PRDM6: variants seen among roughly 807,000 people sequenced by gnomAD.
PRDM6 encodes the protein PR/SET domain 6, also known as putative histone-lysine N-methyltransferase PRDM6.
PRDM6 carries 25 observed loss-of-function variants against 60.8 expected under a neutral mutation model. The ratio of observed to expected loss-of-function variants is 0.41; its 90% CI spans 0.30 to 0.57. The LOEUF is 0.57. PRDM6 is among the 20% of genes least tolerant of loss of function. The pLI is 0.27. For synonymous variants in PRDM6, 407 were observed against 357.4 expected, an observed-to-expected ratio of 1.14 and a Z score of -1.57; for missense variants, 839 against 821.3, an observed-to-expected ratio of 1.02 and a Z score of -0.26.
At chr5:123,126,786 G>A (rs996172670) in intron 3 of PRDM6, among the ~76,000 whole-genome samples, 1 of 152,098 alleles carries the variant, frequency 6.6e-6, no homozygotes, top group Non-Finnish European at 1.5e-5. Context: ...TTCTACCTTC[G>A]TTTCCAAGAA....
In PRDM6 at chr5:123,190,251, C is replaced by G. The variant is rs1766381738; in HGVS notation, c.*3050C>G. ...CGTATGTTCCTTTATTTAGCAGAGT[C>G]TAAGACGAAAGGTAATGCCAGGGAA... On this transcript the variant is annotated 3_prime_UTR_variant, in exon 8 of 8. Transcript: ENST00000407847. 1 of 152,048 alleles carries G rather than the reference C, an allele frequency of 6.6e-6. No homozygotes were observed. The highest frequency in any genetic ancestry group is 1.5e-5 in the Non-Finnish European group (1 of 68,016). The allele number at this position is 152,048 out of a possible 1,614,324, so 9.4% of individuals were successfully genotyped here. A position where few individuals can be genotyped will look rare whatever the true frequency, so the allele number is the denominator to read the frequency against.
chr5:123,104,216 A>G (rs949490276), intron 3 of PRDM6, among the ~76,000 whole-genome samples: 1 of 152,134 alleles, frequency 6.6e-6, no homozygotes, highest in Non-Finnish European at 1.5e-5. Context: ...TATTAAAAAT[A>G]TATTACACAT....
chr5:123,128,906 G>GTT, intron 3 of PRDM6, among the ~76,000 whole-genome samples: 1 of 152,180 alleles, frequency 6.6e-6, no homozygotes. Context: ...GGTCTAACAT[G>GTT]TAAGTCTTTA....
intron 3 of PRDM6, among the ~76,000 whole-genome samples, chr5:123,102,304 G>A (rs1197956725): frequency 2.0e-5 from 3 of 152,066 alleles, no homozygotes; most frequent in South Asian, 4.1e-4. Flanking sequence ...TGATTTTTAA[G>A]ATATAGAATA....
chr5:123,118,389 A>G (rs972260191), intron 3 of PRDM6, among the ~76,000 whole-genome samples: 2 of 152,202 alleles, frequency 1.3e-5, no homozygotes, highest in African/African-American at 2.4e-5. Context: ...AAAACTAGGT[A>G]GAGAGTTGCG....
chr5:123,168,847 A>C (rs1765820829), intron 5 of PRDM6, among the ~76,000 whole-genome samples: 2 of 152,244 alleles, frequency 1.3e-5, no homozygotes, highest in South Asian at 4.1e-4. Flanking sequence ...TTCTCAGTTG[A>C]AGAGTGCTTA....
chr5:123,146,034 GTC>G (rs1765230923), intron 3 of PRDM6, among the ~76,000 whole-genome samples: 1 of 151,844 alleles, frequency 6.6e-6, no homozygotes, highest in African/African-American at 2.4e-5. Flanking sequence ...GAAGTAGTCT[GTC>G]TATTTTTTAG....
intron 3 of PRDM6, among the ~76,000 whole-genome samples, chr5:123,122,135 C>G (rs928359309): frequency 4.1e-5 from 5 of 121,620 alleles, no homozygotes; most frequent in Admixed American, 1.2e-4. Context: ...TGCACTCCAG[C>G]CTGGGCGACA....
chr5:123,091,110 G>T (rs992258934), intron 2 of PRDM6, among the ~76,000 whole-genome samples: 4 of 152,192 alleles, frequency 2.6e-5, no homozygotes, highest in African/African-American at 9.7e-5. Context: ...TTCGGGCCGC[G>T]GGGTTGTGGG....
chr5:123,175,891 C>T (rs1425313444), intron 6 of PRDM6, among the ~76,000 whole-genome samples: 1 of 152,184 alleles, frequency 6.6e-6, no homozygotes, highest in African/African-American at 2.4e-5. Flanking sequence ...TTATCTTTGG[C>T]AAAGGAGGTG....
intron 5 of PRDM6, among the ~76,000 whole-genome samples, chr5:123,162,332 G>A (rs1765653870): frequency 6.6e-6 from 1 of 152,156 alleles, no homozygotes; most frequent in Non-Finnish European, 1.5e-5. Context: ...GTGTCTAAGA[G>A]CATACCACTG....
chr5:123,120,532 TA>T (rs5871021), intron 3 of PRDM6, among the ~76,000 whole-genome samples: 133,350 of 152,164 alleles, frequency 0.88, 58,891 homozygotes, highest in East Asian at 0.99. Context: ...TGATGTTCAT[TA>T]CCAAAAATTC....
chr5:123,139,765 T>C (rs548996477), intron 3 of PRDM6, among the ~76,000 whole-genome samples: 2 of 152,154 alleles, frequency 1.3e-5, no homozygotes, highest in South Asian at 4.2e-4. Flanking sequence ...GGACCTTGGG[T>C]TTATTACAGG....
intron 1 of PRDM6, among the ~76,000 whole-genome samples, 172 bp downstream of exon 1, chr5:123,089,691 G>C (rs1400680110): frequency 6.6e-6 from 1 of 152,156 alleles, no homozygotes; most frequent in African/African-American, 2.4e-5. Flanking sequence ...GCTGGCTGAG[G>C]GCGGGGGCTG....
intron 3 of PRDM6, among the ~76,000 whole-genome samples, chr5:123,155,385 G>A (rs1765469083): frequency 6.8e-6 from 1 of 146,904 alleles, no homozygotes; most frequent in South Asian, 2.2e-4. Context: ...AGTCTGTTTT[G>A]CCAGTTCTTT....
chr5:123,139,843 A>T (rs427336), intron 3 of PRDM6, among the ~76,000 whole-genome samples: 46,399 of 151,876 alleles, frequency 0.31, 7,519 homozygotes, highest in Middle Eastern at 0.37. Flanking sequence ...AGCATGAGGG[A>T]TGGGGTGGGT....
chr5:123,127,838 A>G (rs1183845071), intron 3 of PRDM6, among the ~76,000 whole-genome samples: 1 of 151,362 alleles, frequency 6.6e-6, no homozygotes, highest in South Asian at 2.1e-4. Flanking sequence ...ATACATAGGT[A>G]TACATGTGCC....
intron 6 of PRDM6, among the ~76,000 whole-genome samples, chr5:123,177,262 GA>G (rs1766036351): frequency 6.6e-6 from 1 of 152,102 alleles, no homozygotes; most frequent in Non-Finnish European, 1.5e-5. Context: ...GAAAATACAA[GA>G]AAAGGGGGTT....
rs189381525 is a variant in PRDM6 at position 123,144,430 on chromosome 5, C to T, written c.901-11454C>T. 8.5e-5 allele frequency among the ~76,000 whole-genome samples: 13 copies of T among 152,308 alleles called. No individual in the cohort carries two copies. The East Asian group carries it at 2.3e-3, about 27-fold the overall frequency. ...TTTTCAAGAGTAGCTCCTTGACCCA[C>T]CTTCACAACTAGGTATAAATTACAG... On this transcript the variant is annotated intron_variant, in intron 3 of 7. Coordinates refer to ENST00000407847, the MANE Select transcript of PRDM6 (RefSeq NM_001136239.4).
Sources: allele counts gnomAD v4.1 joint callset (sites outside exome capture counted in the v4.1 genomes callset), GRCh38; gene constraint gnomAD v4.1.1; transcripts MANE v1.5; gene names NCBI Gene and HGNC (gene_info 2026-07-23, HGNC 2026-07-21).